Variants in SLC11A2 observed in about 807,000 individuals in gnomAD.
SLC11A2 encodes the protein natural resistance-associated macrophage protein 2.
A neutral mutation model predicts 68.0 loss-of-function variants in SLC11A2; 38 were observed. That is an observed-to-expected ratio of 0.56 (90% CI 0.43 to 0.73). The LOEUF (loss-of-function observed/expected upper bound fraction) is 0.73. Ranked by LOEUF, SLC11A2 falls within the 30% of genes least tolerant of loss-of-function variation. SLC11A2 has a pLI of 0.00. For missense variants in SLC11A2, 517 were observed against 690.5 expected, an observed-to-expected ratio of 0.75 and a Z score of 2.82; for synonymous variants, 242 against 250.6, an observed-to-expected ratio of 0.97 and a Z score of 0.32.
At chr12:51,021,774 G>A (rs1944058832) in intron 1 of SLC11A2, among the ~76,000 whole-genome samples, 1 of 152,132 alleles carries the variant, frequency 6.6e-6, no homozygotes, top group Admixed American at 6.6e-5. Context: ...AGAGAAAGTG[G>A]AGAAAATGTT....
chr12:50,980,566 G>C (rs1232887858), downstream of SLC11A2: 2 of 146,346 alleles, frequency 1.4e-5, no homozygotes, highest in African/African-American at 4.9e-5. Context: ...TAGGAAGGTG[G>C]GTGAAAAAAA....
chr12:50,985,710 T>C (rs1173545401), downstream of SLC11A2, among the ~76,000 whole-genome samples: 2 of 152,192 alleles, frequency 1.3e-5, no homozygotes, highest in East Asian at 3.8e-4. Context: ...AAAATTTTTT[T>C]CCCAAGTTTC....
intron 2 of SLC11A2, among the ~76,000 whole-genome samples, chr12:51,009,681 G>A (rs779954470): frequency 6.6e-6 from 1 of 152,182 alleles, no homozygotes; most frequent in Non-Finnish European, 1.5e-5. Context: ...AATACAGAGC[G>A]TAAGGTACTC....
the SLC11A2 span, among the ~76,000 whole-genome samples, chr12:50,956,686 G>A: frequency 1.3e-5 from 2 of 152,094 alleles, no homozygotes; most frequent in Admixed American, 6.6e-5. Context: ...GCATTTCTGT[G>A]TATTAATACT....
At chr12:50,953,317 G>A in the SLC11A2 span, among the ~76,000 whole-genome samples, 3 of 152,206 alleles carry the variant, frequency 2.0e-5, no homozygotes, top group Non-Finnish European at 2.9e-5. Flanking sequence ...GGATGAAGCC[G>A]CTGTATTTGA....
intron 9 of SLC11A2, among the ~76,000 whole-genome samples, chr12:50,996,442 G>A (rs575585477): frequency 2.0e-4 from 31 of 152,174 alleles, no homozygotes; most frequent in African/African-American, 7.0e-4. Context: ...AGGCATGGTG[G>A]TGCACGCCTA....
chr12:51,003,251 AAGC>A (rs1364851490), intron 5 of SLC11A2, among the ~76,000 whole-genome samples: 1 of 151,104 alleles, frequency 6.6e-6, no homozygotes, highest in African/African-American at 2.4e-5. Context: ...ACAAACAAAA[AAGC>A]AGGCTGGGCA....
chr12:50,994,513 G>T (rs766057649), intron 11 of SLC11A2, 31 bp downstream of exon 11: 3 of 1,392,528 alleles, frequency 2.2e-6, no homozygotes, highest in African/African-American at 2.8e-5. Context: ...ACTGATTCAG[G>T]AACAAAGATC....
chr12:50,980,345 C>T (rs1301375416), downstream of SLC11A2: 1 of 162,176 alleles, frequency 6.2e-6, no homozygotes, highest in Non-Finnish European at 1.4e-5. Flanking sequence ...CATGGTGAAA[C>T]CCCATCTCCA....
At chr12:50,996,744 T>G (rs1941736265) in intron 9 of SLC11A2, 73 bp downstream of exon 9, 1 of 1,461,376 alleles carries the variant, frequency 6.8e-7, no homozygotes, top group African/African-American at 1.4e-5. Flanking sequence ...AAACTAACTT[T>G]GTGTCCCTTG....
chr12:51,028,226 G>A, upstream of SLC11A2: 1 of 1,535,008 alleles, frequency 6.5e-7, no homozygotes. Flanking sequence ...TCTTCCTCAT[G>A]GTGCAGAACT....
intron 1 of SLC11A2, among the ~76,000 whole-genome samples, chr12:51,022,769 T>C (rs372815825): frequency 3.3e-5 from 5 of 152,324 alleles, no homozygotes; most frequent in Non-Finnish European, 5.9e-5. Flanking sequence ...AATTAACTTG[T>C]AGCTTTCTTC....
In SLC11A2 at chr12:50,992,328, G is replaced by A. The variant is rs564117142; in HGVS notation, c.1209C>T (p.Asn403=). The change falls in exon 13 of 16, where the codon AAC becomes AAT. Residue 403 remains asparagine (N), a synonymous_variant. Transcript: ENST00000262052. Reference sequence around the variant, plus strand: ...CTCGGGCAAAGCGTGACCACTTTAGGTTCAGGAATCCCTGGAAGAAAACAT... The same window carrying A: ...CTCGGGCAAAGCGTGACCACTTTAGATTCAGGAATCCCTGGAAGAAAACAT... ...SGQFVMEGFL[N]LKWSRFARVV... is the part of the protein sequence containing the mutation. 1 of 1,613,916 alleles carries A rather than the reference G, an allele frequency of 6.2e-7. No individual in the cohort carries two copies. Among genetic ancestry groups the A allele is most frequent in the South Asian group, 1.1e-5 (1 of 91,076 alleles).
intron 11 of SLC11A2, among the ~76,000 whole-genome samples, chr12:50,993,411 G>T (rs1354387753): frequency 6.6e-6 from 1 of 151,984 alleles, no homozygotes; most frequent in Non-Finnish European, 1.5e-5. Flanking sequence ...ACTTTCTTGG[G>T]GCTGGGTAGG....
chr12:51,004,904 G>A lies in SLC11A2; in HGVS notation c.313C>T (p.Leu105Phe). ...AGGGTGGCCAACAGAAGGATCCAGA[G>A]CAACTAAGAAGAACAAAATCTCCTG... ...QSGAVAGFKLLWILLLATLVG... is the reference protein window; with the variant it reads ...QSGAVAGFKLFWILLLATLVG... Residue 105 changes from leucine to phenylalanine, a missense_variant, in exon 5 of 16, where the codon CTC becomes TTC. By Grantham distance (22) the Leu-to-Phe change is conservative. Transcript: ENST00000262052. 3 of 1,614,032 alleles carry A rather than the reference G, an allele frequency of 1.9e-6. No individual in the cohort carries two copies. The highest frequency in any genetic ancestry group is 2.5e-6 in the Non-Finnish European group (3 of 1,179,950).
chr12:50,971,628 T>G, the SLC11A2 span, among the ~76,000 whole-genome samples: 1 of 152,212 alleles, frequency 6.6e-6, no homozygotes, highest in African/African-American at 2.4e-5. Context: ...TCTAAAAAAT[T>G]AACTAGGCTT....
At chr12:50,984,256 A>G (rs76109520), downstream of SLC11A2, among the ~76,000 whole-genome samples, 768 of 152,332 alleles carry the variant, frequency 5.0e-3, 7 homozygotes, top group African/African-American at 0.018. Context: ...GACTGTGTGA[A>G]GACAGATTAG....
chr12:50,962,632 G>A, the SLC11A2 span, among the ~76,000 whole-genome samples: 1 of 152,234 alleles, frequency 6.6e-6, no homozygotes, highest in African/African-American at 2.4e-5. Flanking sequence ...GGGAGGCAGA[G>A]GTTGCAGTGA....
the SLC11A2 span, among the ~76,000 whole-genome samples, chr12:50,960,401 T>C: frequency 6.6e-6 from 1 of 152,222 alleles, no homozygotes; most frequent in Non-Finnish European, 1.5e-5. Flanking sequence ...CTTTGTAGCA[T>C]GCACAGTTTG....
Sources: allele counts gnomAD v4.1 joint callset (sites outside exome capture counted in the v4.1 genomes callset), GRCh38; gene constraint gnomAD v4.1.1; transcripts MANE v1.5; gene names NCBI Gene and HGNC (gene_info 2026-07-23, HGNC 2026-07-21).